The following SLC37A3 variants were observed in gnomAD, a reference collection of about 807,000 sequenced individuals.
The protein encoded by SLC37A3 is solute carrier family 37 member 3, also known as sugar phosphate exchanger 3.
SLC37A3 carries 51 observed loss-of-function variants against 67.1 expected under a neutral mutation model. The observed-to-expected ratio is 0.76, with a 90% CI of 0.61 to 0.96. The LOEUF is 0.96. Among genes scored for constraint, SLC37A3 ranks in the 40% least tolerant of loss-of-function variants. The pLI, the probability that SLC37A3 is intolerant of heterozygous loss-of-function variation, is 0.00. For missense variants in SLC37A3, 508 were observed against 603.0 expected (o/e 0.84, Z 1.65); for synonymous variants, 214 against 231.4 (o/e 0.92, Z 0.68).
At chr7:140,353,804 T>C (rs1303766288) in intron 7 of SLC37A3, among the ~76,000 whole-genome samples, 1 of 151,894 alleles carries the variant, frequency 6.6e-6, no homozygotes, top group African/African-American at 2.4e-5. Context: ...CCTCCGCCTC[T>C]TGGATTCAAG....
chr7:140,348,255 T>C (rs1337950793), intron 10 of SLC37A3, among the ~76,000 whole-genome samples: 1 of 152,146 alleles, frequency 6.6e-6, no homozygotes, highest in African/African-American at 2.4e-5. Context: ...CTTGGATCTC[T>C]GACATACAAT....
rs987676677 is a variant in SLC37A3 at position 140,345,352 on chromosome 7, G to A, written c.1127-89C>T. 4.0e-5 allele frequency: 38 copies of A among 954,970 alleles called. No homozygotes were observed. In the Admixed American group the frequency reaches 5.3e-4, roughly 13 times the overall value. 59.2% of individuals were successfully genotyped at this position (954,970 alleles called of 1,614,324 possible). A position where few individuals can be genotyped will look rare whatever the true frequency, so the allele number is the denominator to read the frequency against. The stretch of plus-strand genomic sequence containing the variant: ...ACCGTACGCGAAGATCTGAATCTCC[G>A]TGACCTCACAAATCACTCCCAGAGA... On this transcript the variant is annotated intron_variant, in intron 11 of 14. Coordinates refer to ENST00000326232, the MANE Select transcript of SLC37A3 (RefSeq NM_207113.3).
chr7:140,347,493 G>A (rs1307131995), intron 10 of SLC37A3, among the ~76,000 whole-genome samples: 3 of 152,110 alleles, frequency 2.0e-5, no homozygotes, highest in African/African-American at 4.8e-5. Flanking sequence ...GAGGTCTAAC[G>A]GTGGCAACCT....
intron 1 of SLC37A3, among the ~76,000 whole-genome samples, chr7:140,387,471 C>T (rs759193600): frequency 4.0e-5 from 6 of 150,102 alleles, no homozygotes; most frequent in Non-Finnish European, 7.4e-5. Context: ...AAAAATTAGC[C>T]GGGCGTGGTG....
chr7:140,336,726 T>C (rs1398470274), intron 14 of SLC37A3, among the ~76,000 whole-genome samples: 1 of 152,186 alleles, frequency 6.6e-6, no homozygotes, highest in Non-Finnish European at 1.5e-5. Context: ...AGTCTCTTCT[T>C]GTTTTTCTGA....
In SLC37A3 at chr7:140,348,703, T is replaced by C. The variant is rs541163299; in HGVS notation, c.947A>G (p.Tyr316Cys). The change falls in exon 10 of 15, where the codon TAT becomes TGT. Residue 316 changes from tyrosine (Y) to cysteine (C), a missense_variant. Coordinates refer to ENST00000326232, the MANE Select transcript of SLC37A3 (RefSeq NM_207113.3). The stretch of plus-strand genomic sequence containing the variant: ...CTTCCAGCCGAAGTTGTTACTCAGA[T>C]AAAAGGGGAGCCAGAAGAAGAAGGA... Reference protein sequence around the residue: ...NYSFFFWLPFYLSNNFGWKEA... With the variant: ...NYSFFFWLPFCLSNNFGWKEA... 1 of 1,614,084 alleles carries C rather than the reference T, an allele frequency of 6.2e-7. No individual in the cohort carries two copies. The highest frequency in any genetic ancestry group is 8.5e-7 in the Non-Finnish European group (1 of 1,180,012).
chr7:140,357,357 G>A (rs180749467), intron 6 of SLC37A3, among the ~76,000 whole-genome samples: 14 of 152,162 alleles, frequency 9.2e-5, no homozygotes, highest in African/African-American at 3.4e-4. Flanking sequence ...ATTTGTAACC[G>A]CCCAAAACTG....
intron 13 of SLC37A3, among the ~76,000 whole-genome samples, chr7:140,341,786 G>A (rs1796371130): frequency 6.6e-6 from 1 of 152,168 alleles, no homozygotes; most frequent in Non-Finnish European, 1.5e-5. Context: ...CATTTAGTTA[G>A]TGAAGAAAAC....
intron 5 of SLC37A3, 102 bp from the exon 6 acceptor site, chr7:140,358,887 T>C (rs894443408): frequency 7.1e-7 from 1 of 1,416,254 alleles, no homozygotes. Context: ...ACGTGAAGGA[T>C]ACACTCACAC....
intron 12 of SLC37A3, 132 bp from the exon 13 acceptor site, chr7:140,343,695 A>T: frequency 2.3e-6 from 2 of 886,598 alleles, no homozygotes; most frequent in Non-Finnish European, 3.4e-6. Flanking sequence ...AAACCCCCAG[A>T]TAGTATCATT....
At chr7:140,374,323 C>T in intron 3 of SLC37A3, among the ~76,000 whole-genome samples, 1 of 151,898 alleles carries the variant, frequency 6.6e-6, no homozygotes, top group East Asian at 1.9e-4. Flanking sequence ...ATGGCAAAAC[C>T]CCATCTCTAC....
intron 2 of SLC37A3, among the ~76,000 whole-genome samples, 190 bp from the exon 3 acceptor site, chr7:140,380,580 G>A (rs893987458): frequency 3.9e-5 from 6 of 152,136 alleles, no homozygotes; most frequent in Admixed American, 6.6e-5. Flanking sequence ...ACAGGATCTC[G>A]CTCTGTCACT....
Position 140,334,918 on chromosome 7 carries a change from A to G in SLC37A3, c.*494T>C. On this transcript the variant is annotated 3_prime_UTR_variant, in exon 15 of 15. Transcript: ENST00000326232. Reference sequence around the variant, plus strand: ...GCTTGCAGCTCGGTCCAGCTTGAGCATTTGATCAGGATTTGATGCTTCAAA... The same window carrying G: ...GCTTGCAGCTCGGTCCAGCTTGAGCGTTTGATCAGGATTTGATGCTTCAAA... 3.3e-6 allele frequency: 1 copy of G among 300,196 alleles called. No homozygotes were observed. Among genetic ancestry groups the G allele is most frequent in the South Asian group, 3.3e-5 (1 of 29,880 alleles). 18.6% of individuals were successfully genotyped at this position (300,196 alleles called of 1,614,324 possible). A position where few individuals can be genotyped will look rare whatever the true frequency, so the allele number is the denominator to read the frequency against.
intron 5 of SLC37A3, among the ~76,000 whole-genome samples, chr7:140,362,142 G>C (rs1214613846): frequency 5.7e-5 from 8 of 140,836 alleles, no homozygotes; most frequent in Middle Eastern, 3.6e-3. Flanking sequence ...TCTAGGAAGC[G>C]AGGAGCGCCT....
chr7:140,387,336 G>A (rs13229539), intron 1 of SLC37A3, among the ~76,000 whole-genome samples: 52,289 of 151,112 alleles, frequency 0.35, 9,888 homozygotes, highest in Non-Finnish European at 0.43. Context: ...TAGCCAGGTC[G>A]GGTGCAGTGA....
At chr7:140,343,353 A>C in intron 13 of SLC37A3, 59 bp downstream of exon 13, 3 of 1,609,792 alleles carry the variant, frequency 1.9e-6, no homozygotes, top group Non-Finnish European at 2.5e-6. Flanking sequence ...GGGCAGGTTC[A>C]CATTCAGCCG....
At chr7:140,337,098 CAAAA>C (rs1172096190) in intron 14 of SLC37A3, among the ~76,000 whole-genome samples, 182 bp downstream of exon 14, 3 of 69,660 alleles carry the variant, frequency 4.3e-5, no homozygotes, top group African/African-American at 5.5e-5. Context: ...GACTCTGCCT[CAAAA>C]AAAAAAAAAA....
intron 12 of SLC37A3, chr7:140,344,080 C>CGG: frequency 6.0e-6 from 1 of 167,020 alleles, no homozygotes; most frequent in Non-Finnish European, 1.3e-5. Context: ...GTTCCATGTA[C>CGG]CCCAAGTAGA....
chr7:140,349,782 G>C (rs557731346), intron 9 of SLC37A3, among the ~76,000 whole-genome samples: 2 of 152,296 alleles, frequency 1.3e-5, no homozygotes, highest in Non-Finnish European at 2.9e-5. Flanking sequence ...GAGAACAATA[G>C]CTTGTGAAGA....
Sources: allele counts gnomAD v4.1 joint callset (sites outside exome capture counted in the v4.1 genomes callset), GRCh38; gene constraint gnomAD v4.1.1; transcripts MANE v1.5; gene names NCBI Gene and HGNC (gene_info 2026-07-23, HGNC 2026-07-21).